ARHGEF28: variants seen among roughly 807,000 people sequenced by gnomAD.
The protein encoded by ARHGEF28 is Rho guanine nucleotide exchange factor 28, also known as 190 kDa guanine nucleotide exchange factor.
Under a neutral mutation model 206.6 loss-of-function variants are expected in ARHGEF28, and 152 were observed. The observed-to-expected ratio is 0.74, with a 90% confidence interval of 0.64 to 0.84. ARHGEF28 has a LOEUF of 0.84. ARHGEF28 is among the 40% of genes least tolerant of loss of function. ARHGEF28 has a pLI of 0.00. For missense variants in ARHGEF28, 2,028 were observed against 2,073.2 expected (o/e 0.98, Z 0.42); for synonymous variants, 763 against 776.4 (o/e 0.98, Z 0.29).
chr5:73,766,722 C>G (rs965006712), intron 4 of ARHGEF28, among the ~76,000 whole-genome samples: 2 of 152,204 alleles, frequency 1.3e-5, no homozygotes, highest in African/African-American at 4.8e-5. Context: ...TAACCAAGGT[C>G]TCCAGAACTC....
intron 35 of ARHGEF28, among the ~76,000 whole-genome samples, chr5:73,920,265 G>T (rs1231194508): frequency 3.9e-5 from 6 of 152,148 alleles, no homozygotes; most frequent in Non-Finnish European, 7.4e-5. Context: ...AAATGTTGGG[G>T]TAACTGTAAG....
intron 35 of ARHGEF28, among the ~76,000 whole-genome samples, chr5:73,934,817 A>C (rs1157081034): frequency 1.3e-5 from 2 of 152,202 alleles, no homozygotes; most frequent in Non-Finnish European, 2.9e-5. Context: ...GAATTTCATC[A>C]GTTTATTTGA....
At chr5:73,834,894 T>C (rs1757528470) in intron 10 of ARHGEF28, among the ~76,000 whole-genome samples, 2 of 152,194 alleles carry the variant, frequency 1.3e-5, no homozygotes, top group Admixed American at 1.3e-4. Context: ...GATGCATTTC[T>C]CAGAACATAT....
intron 9 of ARHGEF28, among the ~76,000 whole-genome samples, chr5:73,831,892 T>C (rs1395781340): frequency 6.6e-6 from 1 of 152,170 alleles, no homozygotes; most frequent in Admixed American, 6.5e-5. Context: ...GGTTTCTCCA[T>C]GTTGGTCAGG....
At chr5:73,866,396 T>C (rs988986003) in intron 18 of ARHGEF28, among the ~76,000 whole-genome samples, 87 of 152,258 alleles carry the variant, frequency 5.7e-4, no homozygotes, top group African/African-American at 2.0e-3. Context: ...TAGCGTAGTA[T>C]AGCAATATTG....
intron 1 of ARHGEF28, among the ~76,000 whole-genome samples, chr5:73,629,410 G>A (rs1178075703): frequency 1.3e-5 from 2 of 151,906 alleles, no homozygotes; most frequent in African/African-American, 4.8e-5. Flanking sequence ...GAGAGGCAGA[G>A]TGGGGAGGAT....
intron 1 of ARHGEF28, among the ~76,000 whole-genome samples, chr5:73,675,732 C>CA (rs35836692): frequency 0.12 from 5,709 of 49,170 alleles, 507 homozygotes; most frequent in African/African-American, 0.16. Context: ...GACTCTGTCT[C>CA]AAAAAAAAAA....
At chr5:73,894,794 G>A (rs543861752) in intron 29 of ARHGEF28, among the ~76,000 whole-genome samples, 93 of 152,344 alleles carry the variant, frequency 6.1e-4, no homozygotes, top group African/African-American at 2.2e-3. Context: ...CAGGATAAGG[G>A]AGAGAGAGGG....
chr5:73,741,130 A>G (rs1035544866), intron 2 of ARHGEF28, among the ~76,000 whole-genome samples: 2 of 151,858 alleles, frequency 1.3e-5, no homozygotes, highest in Non-Finnish European at 2.9e-5. Flanking sequence ...TCTCCATGGA[A>G]TTTGTAAGTT....
intron 11 of ARHGEF28, among the ~76,000 whole-genome samples, chr5:73,842,449 T>C (rs1315853130): frequency 6.6e-6 from 1 of 152,208 alleles, no homozygotes; most frequent in East Asian, 1.9e-4. Flanking sequence ...CACATATTGG[T>C]ACCAAGGGTT....
chr5:73,883,311 A>G (rs1271571061), intron 23 of ARHGEF28, among the ~76,000 whole-genome samples: 1 of 152,138 alleles, frequency 6.6e-6, no homozygotes, highest in African/African-American at 2.4e-5. Context: ...CTTGAATACT[A>G]TGAGGAATAC....
Position 73,712,948 on chromosome 5 carries a change from A to G in ARHGEF28, c.33+28064A>G, listed in dbSNP as rs536050029. Among the ~76,000 whole-genome samples the G allele has an allele frequency of 3.1e-4, 47 of 152,334 alleles. No individual in the cohort carries two copies. In the South Asian group the frequency reaches 3.3e-3, roughly 11 times the overall value. Reference sequence around the variant, plus strand: ...ATGTAAATATTTAAATATAAATACAATGAGCATTAGTTGAGGGGGTTTCTT... The same window carrying G: ...ATGTAAATATTTAAATATAAATACAGTGAGCATTAGTTGAGGGGGTTTCTT... On this transcript the variant is annotated intron_variant, in intron 2 of 35. Coordinates refer to ENST00000513042, the MANE Select transcript of ARHGEF28 (RefSeq NM_001177693.2).
intron 35 of ARHGEF28, among the ~76,000 whole-genome samples, chr5:73,918,492 G>A (rs1015920103): frequency 3.3e-5 from 5 of 152,194 alleles, no homozygotes; most frequent in Admixed American, 6.5e-5. Flanking sequence ...CCATTCAAAA[G>A]CAGATTTGAA....
At chr5:73,721,117 TTC>T (rs1183053961) in intron 2 of ARHGEF28, among the ~76,000 whole-genome samples, 1 of 152,196 alleles carries the variant, frequency 6.6e-6, no homozygotes, top group Non-Finnish European at 1.5e-5. Context: ...ATCTCTTTCC[TTC>T]TCTCTCTCTT....
At chr5:73,643,699 C>T (rs6453019) in intron 1 of ARHGEF28, among the ~76,000 whole-genome samples, 4,397 of 151,634 alleles carry the variant, frequency 0.029, 229 homozygotes, top group African/African-American at 0.1. Flanking sequence ...CCTGTAGTCC[C>T]AGCTACTCAG....
At chr5:73,800,060 A>G (rs1755043569) in intron 9 of ARHGEF28, among the ~76,000 whole-genome samples, 1 of 152,216 alleles carries the variant, frequency 6.6e-6, no homozygotes, top group Non-Finnish European at 1.5e-5. Flanking sequence ...CACAATAGAA[A>G]AATTGGGAAT....
chr5:73,674,619 G>A (rs535484171), intron 1 of ARHGEF28, among the ~76,000 whole-genome samples: 23 of 152,308 alleles, frequency 1.5e-4, no homozygotes, highest in African/African-American at 5.1e-4. Flanking sequence ...TGAGGTGACT[G>A]GTGGCTGGCA....
At chr5:73,916,932 T>C (rs1451642888) in intron 35 of ARHGEF28, among the ~76,000 whole-genome samples, 3 of 152,220 alleles carry the variant, frequency 2.0e-5, no homozygotes, top group Non-Finnish European at 2.9e-5. Context: ...TTGTGATGAA[T>C]ATTTATATCT....
At chr5:73,655,861 C>T (rs1745162746) in intron 1 of ARHGEF28, among the ~76,000 whole-genome samples, 1 of 152,170 alleles carries the variant, frequency 6.6e-6, no homozygotes, top group Non-Finnish European at 1.5e-5. Context: ...ACCCGGAGAA[C>T]TGAACTGTAA....
Sources: gnomAD v4.1 joint callset for allele counts (sites outside exome capture counted in the v4.1 genomes callset) on GRCh38, gnomAD v4.1.1 for gene constraint, MANE v1.5 for transcripts, NCBI Gene and HGNC (gene_info 2026-07-23, HGNC 2026-07-21) for gene names.